Variants in LRRTM4 observed in about 807,000 individuals in gnomAD.
LRRTM4 encodes the protein leucine rich repeat transmembrane neuronal 4.
LRRTM4 carries 25 observed loss-of-function variants against 47.6 expected under a neutral mutation model. The ratio of observed to expected loss-of-function variants is 0.53; its 90% CI spans 0.38 to 0.73. LRRTM4 has a LOEUF of 0.73. LRRTM4 is among the 30% of genes least tolerant of loss of function. The probability of loss-of-function intolerance (pLI) is 0.00; values close to 1 mark genes in which losing one functional copy is unlikely to be tolerated. For synonymous variants in LRRTM4, 311 were observed against 269.5 expected (o/e 1.15, Z -1.51); for missense variants, 638 against 713.4 (o/e 0.89, Z 1.20).
chr2:77,332,865 A>T (rs1306612967), intron 3 of LRRTM4, among the ~76,000 whole-genome samples: 1 of 152,122 alleles, frequency 6.6e-6, no homozygotes, highest in Non-Finnish European at 1.5e-5. Context: ...CACAGTACTG[A>T]TATAGATTGA....
At chr2:77,434,245 G>GA (rs34666020) in intron 3 of LRRTM4, among the ~76,000 whole-genome samples, 49,300 of 144,276 alleles carry the variant, frequency 0.34, 8,120 homozygotes, top group Non-Finnish European at 0.38. Context: ...CCCAGATTGG[G>GA]AAAAAAAAAA....
chr2:77,298,109 T>A (rs747496608), intron 3 of LRRTM4, among the ~76,000 whole-genome samples: 24 of 152,302 alleles, frequency 1.6e-4, no homozygotes, highest in Non-Finnish European at 2.8e-4. Context: ...ACGAATGGAT[T>A]AATCAGTCAG....
At chr2:77,462,125 C>G (rs1019499510) in intron 3 of LRRTM4, among the ~76,000 whole-genome samples, 4 of 152,110 alleles carry the variant, frequency 2.6e-5, no homozygotes, top group Admixed American at 6.6e-5. Context: ...ATACTTTGTT[C>G]CAACAATATT....
At chr2:77,079,900 TTTTA>T (rs1464430650) in intron 3 of LRRTM4, among the ~76,000 whole-genome samples, 1 of 152,058 alleles carries the variant, frequency 6.6e-6, no homozygotes, top group African/African-American at 2.4e-5. Flanking sequence ...TTAAATTTAA[TTTTA>T]TATATACATT....
At chr2:76,999,932 G>A (rs781199299) in intron 3 of LRRTM4, among the ~76,000 whole-genome samples, 2 of 152,116 alleles carry the variant, frequency 1.3e-5, no homozygotes, top group South Asian at 4.1e-4. Context: ...GTGCACAAGG[G>A]CAGAGTGACA....
At chr2:77,404,698 T>C (rs1360080778) in intron 3 of LRRTM4, among the ~76,000 whole-genome samples, 1 of 152,086 alleles carries the variant, frequency 6.6e-6, no homozygotes, top group Non-Finnish European at 1.5e-5. Flanking sequence ...TATTTGAAGT[T>C]TCTTTCAATA....
chr2:76,748,297 T>A lies in LRRTM4; in HGVS notation c.*398A>T. 1 of 166,514 alleles carries A rather than the reference T, an allele frequency of 6.0e-6. No individual in the cohort carries two copies. Among genetic ancestry groups the A allele is most frequent in the Non-Finnish European group, 1.3e-5 (1 of 77,170 alleles). The allele number at this position is 166,514 out of a possible 1,614,324, so 10.3% of individuals were successfully genotyped here. ...AGAGGAAAACGGTTGTTTCCCTAGC[T>A]TCCCACCCACCCCTGTTTATTTGCT... On this transcript the variant is annotated 3_prime_UTR_variant, in exon 4 of 4. Coordinates refer to ENST00000409884, the MANE Select transcript of LRRTM4 (RefSeq NM_001134745.3).
At chr2:76,929,639 G>C (rs777076591) in intron 3 of LRRTM4, among the ~76,000 whole-genome samples, 2 of 152,098 alleles carry the variant, frequency 1.3e-5, no homozygotes, top group Non-Finnish European at 2.9e-5. Context: ...GTTTCTTTAA[G>C]TTAAACAAGT....
chr2:76,902,772 C>A (rs1021222198), intron 3 of LRRTM4, among the ~76,000 whole-genome samples: 2 of 152,170 alleles, frequency 1.3e-5, no homozygotes, highest in African/African-American at 4.8e-5. Context: ...TAGAATCAAA[C>A]TGCCCTAGTT....
intron 3 of LRRTM4, among the ~76,000 whole-genome samples, chr2:77,296,207 C>T (rs999173342): frequency 2.0e-5 from 3 of 152,074 alleles, no homozygotes; most frequent in Non-Finnish European, 4.4e-5. Flanking sequence ...AAATTATTCC[C>T]CAATATTTTC....
chr2:77,290,878 G>C (rs1478077050), intron 3 of LRRTM4, among the ~76,000 whole-genome samples: 2 of 151,902 alleles, frequency 1.3e-5, no homozygotes, highest in Non-Finnish European at 2.9e-5. Flanking sequence ...TTTCCGAGTT[G>C]CATCAGCTCC....
chr2:77,148,841 G>A (rs1044055379), intron 3 of LRRTM4, among the ~76,000 whole-genome samples: 3 of 152,060 alleles, frequency 2.0e-5, no homozygotes, highest in Admixed American at 6.6e-5. Flanking sequence ...GAAGAACCTC[G>A]CAGCAGAAAT....
chr2:77,103,254 A>G lies in LRRTM4; in HGVS notation c.1552-354338T>C, dbSNP rs117659908. Among the ~76,000 whole-genome samples, 6 of 152,324 alleles carry G rather than the reference A, an allele frequency of 3.9e-5. No homozygotes were observed. In the East Asian group the frequency reaches 1.2e-3, roughly 29 times the overall value. Reference sequence around the variant, plus strand: ...TGACATTTGAAGAAGGAAAATACCAATAAAAATATGTTTACCGCAGAAAAT... The same window carrying G: ...TGACATTTGAAGAAGGAAAATACCAGTAAAAATATGTTTACCGCAGAAAAT... On this transcript the variant is annotated intron_variant, in intron 3 of 3. Transcript: ENST00000409884.
At chr2:77,521,350 A>G (rs550892952) in intron 2 of LRRTM4, among the ~76,000 whole-genome samples, 1 of 152,192 alleles carries the variant, frequency 6.6e-6, no homozygotes, top group South Asian at 2.1e-4. Context: ...TAATATTATC[A>G]AGAAATAGAA....
intron 3 of LRRTM4, among the ~76,000 whole-genome samples, chr2:77,322,097 A>G (rs1435907818): frequency 6.6e-6 from 1 of 152,194 alleles, no homozygotes; most frequent in Non-Finnish European, 1.5e-5. Flanking sequence ...AATCTAGTAA[A>G]ATCAAGTCAC....
At chr2:77,248,765 T>C (rs1246381030) in intron 3 of LRRTM4, among the ~76,000 whole-genome samples, 1 of 152,034 alleles carries the variant, frequency 6.6e-6, no homozygotes, top group African/African-American at 2.4e-5. Context: ...AACTGATCTT[T>C]GACAAAGGAA....
intron 3 of LRRTM4, among the ~76,000 whole-genome samples, chr2:76,758,314 T>C (rs1673134613): frequency 6.6e-6 from 1 of 152,180 alleles, no homozygotes; most frequent in Admixed American, 6.5e-5. Flanking sequence ...AGTGAAGTGA[T>C]TGAATTTCTT....
intron 3 of LRRTM4, among the ~76,000 whole-genome samples, chr2:77,376,905 T>C (rs554786349): frequency 6.6e-6 from 1 of 152,056 alleles, no homozygotes; most frequent in South Asian, 2.1e-4. Context: ...ATTCTTGAAG[T>C]AGAGAGAATA....
chr2:77,090,117 A>G (rs569614241), intron 3 of LRRTM4, among the ~76,000 whole-genome samples: 34 of 152,036 alleles, frequency 2.2e-4, no homozygotes, highest in East Asian at 3.9e-4. Context: ...CCTCCACCCT[A>G]TAATCTTTTT....
Sources: allele counts gnomAD v4.1 joint callset (sites outside exome capture counted in the v4.1 genomes callset), GRCh38; gene constraint gnomAD v4.1.1; transcripts MANE v1.5; gene names NCBI Gene and HGNC (gene_info 2026-07-23, HGNC 2026-07-21).